Variants in MYOM2 observed in about 807,000 individuals in gnomAD.
The protein encoded by MYOM2 is myomesin 2.
Under a neutral mutation model 187.6 loss-of-function variants are expected in MYOM2, and 254 were observed. The ratio of observed to expected loss-of-function variants is 1.35; its 90% CI spans 1.22 to 1.50. The LOEUF (loss-of-function observed/expected upper bound fraction) is 1.50, where lower values mean the gene tolerates loss of function less well. Ranked by LOEUF, MYOM2 falls within the 40% of genes most tolerant of loss-of-function variation. MYOM2 has a pLI of 0.00. For missense variants in MYOM2, 2,796 were observed against 1,924.0 expected (o/e 1.45, Z -8.48); for synonymous variants, 981 against 753.8 (o/e 1.30, Z -4.94).
rs774795146 is a variant in MYOM2 at position 2,096,409 on chromosome 8, C to T, written c.2288C>T (p.Ser763Leu). ...AAAAACTGGCACGAGGTCAATTCCTCACCCAGCAAACCGACAATCCTAACG... is the reference window on the plus strand; with the variant it reads ...AAAAACTGGCACGAGGTCAATTCCTTACCCAGCAAACCGACAATCCTAACG... The part of the protein sequence containing the change: ...HHKNWHEVNS[S>L]PSKPTILTVD... The change falls in exon 18 of 37, where the codon TCA (serine) becomes TTA (leucine). Residue 763 changes from serine (S) to leucine (L), a missense_variant. Ser to Leu is a moderately radical substitution (Grantham distance 145, BLOSUM62 -2). Coordinates refer to ENST00000262113, the MANE Select transcript of MYOM2 (RefSeq NM_003970.4). 1.9e-6 allele frequency: 3 copies of T among 1,614,118 alleles called. No homozygotes were observed. Among genetic ancestry groups the T allele is most frequent in the Non-Finnish European group, 2.5e-6 (3 of 1,180,054 alleles).
chr8:2,114,342 T>C (rs1223542418), intron 25 of MYOM2, among the ~76,000 whole-genome samples: 2 of 152,190 alleles, frequency 1.3e-5, no homozygotes, highest in Non-Finnish European at 2.9e-5. Flanking sequence ...AGTAGTGTTC[T>C]CAGACCAACC....
rs1381320803 is a variant in MYOM2, at chr8:2,094,009, C to T, written c.2043C>T (p.Ile681=). The T allele has an allele frequency of 4.3e-6, 7 of 1,614,056 alleles. 1 individual carries two copies. In the South Asian group the frequency reaches 5.5e-5, roughly 13 times the overall value. Residue 681 remains isoleucine, a synonymous_variant, in exon 17 of 37, where the codon ATC becomes ATT. Coordinates refer to ENST00000262113, the MANE Select transcript of MYOM2 (RefSeq NM_003970.4). ...VHGLTTGEQY[I]FRVKAVNAVG... is the part of the protein sequence containing the mutation. ...GCTTAACCACGGGAGAGCAGTACAT[C>T]TTCCGAGTCAAGGCGGTCAATGCTG...
rs554546766 is a variant in MYOM2, at chr8:2,066,414, C to T, written c.654-2864C>T. On this transcript the variant is annotated intron_variant, in intron 6 of 36. Coordinates refer to ENST00000262113, the MANE Select transcript of MYOM2 (RefSeq NM_003970.4). Reference sequence around the variant, plus strand: ...CAGCGGTGCCTGTGGGAGGCTGTCGCCCTTGTTTCTCTCATCTGCTGTGTT... The same window carrying T: ...CAGCGGTGCCTGTGGGAGGCTGTCGTCCTTGTTTCTCTCATCTGCTGTGTT... 4.9e-4 allele frequency among the ~76,000 whole-genome samples: 75 copies of T among 152,290 alleles called. 2 individuals carry two copies. The South Asian group carries it at 0.011, about 23-fold the overall frequency.
At chr8:2,065,438 T>C (rs1276774314) in intron 6 of MYOM2, among the ~76,000 whole-genome samples, 2 of 152,004 alleles carry the variant, frequency 1.3e-5, no homozygotes, top group African/African-American at 4.8e-5. Flanking sequence ...GGTGTGGTGG[T>C]GCGCACCTGT....
chr8:2,140,647 G>A, intron 32 of MYOM2, 76 bp from the exon 33 acceptor site: 7 of 1,435,708 alleles, frequency 4.9e-6, no homozygotes, highest in Middle Eastern at 1.9e-4. Flanking sequence ...TCACAGCAAC[G>A]GGACATTGCC....
At chr8:2,120,519 T>C (rs939615611) in intron 28 of MYOM2, among the ~76,000 whole-genome samples, 1 of 149,974 alleles carries the variant, frequency 6.7e-6, no homozygotes, top group African/African-American at 2.5e-5. Context: ...GGATGGGGCA[T>C]GGGGGTTTGG....
chr8:2,051,909 GC>G (rs1388670610), intron 2 of MYOM2, among the ~76,000 whole-genome samples: 1 of 152,236 alleles, frequency 6.6e-6, no homozygotes, highest in Non-Finnish European at 1.5e-5. Flanking sequence ...GCGTGTCCTT[GC>G]ATTTATGCAT....
At chr8:2,049,060 G>C (rs1818399522) in intron 1 of MYOM2, among the ~76,000 whole-genome samples, 1 of 152,236 alleles carries the variant, frequency 6.6e-6, no homozygotes, top group Non-Finnish European at 1.5e-5. Context: ...CAAAGTGCTG[G>C]GTTTACAGGT....
intron 32 of MYOM2, among the ~76,000 whole-genome samples, chr8:2,136,939 G>T (rs1430382405): frequency 6.6e-6 from 1 of 152,094 alleles, no homozygotes; most frequent in Admixed American, 6.5e-5. Flanking sequence ...AATTTCACCT[G>T]TTGGACAAAG....
At chr8:2,045,790 C>G (rs193186779) in intron 1 of MYOM2, among the ~76,000 whole-genome samples, 1 of 152,242 alleles carries the variant, frequency 6.6e-6, no homozygotes, top group South Asian at 2.1e-4. Context: ...CTGATAGAGG[C>G]TGTGCCTTCT....
At chr8:2,086,257 C>CCCACTGTCATGATCTCTGGCACT (rs1796039959) in intron 14 of MYOM2, among the ~76,000 whole-genome samples, 1 of 130,744 alleles carries the variant, frequency 7.6e-6, no homozygotes, top group African/African-American at 2.6e-5. Context: ...TTTGCGTGGC[C>CCCACTGTCATGATCTCTGGCACT]CCACTGTCAT....
chr8:2,128,994 G>C (rs1191963303), intron 31 of MYOM2, 133 bp from the exon 32 acceptor site: 1 of 584,270 alleles, frequency 1.7e-6, no homozygotes, highest in Non-Finnish European at 3.1e-6. Flanking sequence ...TTTGTGGCTG[G>C]CCGACTTTAT....
intron 14 of MYOM2, among the ~76,000 whole-genome samples, chr8:2,088,822 C>A (rs1796186392): frequency 6.6e-6 from 1 of 152,212 alleles, no homozygotes; most frequent in South Asian, 2.1e-4. Context: ...GCTTTAAGTT[C>A]TTTGAGAAGT....
intron 32 of MYOM2, among the ~76,000 whole-genome samples, chr8:2,137,056 GTCTC>G (rs910583877): frequency 1.3e-5 from 2 of 151,658 alleles, no homozygotes; most frequent in African/African-American, 2.4e-5. Context: ...AGAATTTCTA[GTCTC>G]TCTCTCTTTC....
chr8:2,053,572 T>C (rs17064597), intron 3 of MYOM2, among the ~76,000 whole-genome samples: 4,601 of 152,338 alleles, frequency 0.03, 257 homozygotes, highest in African/African-American at 0.11. Context: ...GTGATTCATA[T>C]GGTTTTGGCA....
chr8:2,114,232 C>G (rs1486782718), intron 25 of MYOM2, among the ~76,000 whole-genome samples: 1 of 152,182 alleles, frequency 6.6e-6, no homozygotes, highest in East Asian at 1.9e-4. Flanking sequence ...TGAAATGTAT[C>G]CCTGCATTCA....
intron 32 of MYOM2, among the ~76,000 whole-genome samples, chr8:2,134,429 G>A (rs1233655590): frequency 2.0e-5 from 3 of 152,188 alleles, no homozygotes; most frequent in South Asian, 2.1e-4. Flanking sequence ...TGTCTGCCCC[G>A]TCTCTTCCTG....
At chr8:2,131,962 C>G (rs1398888662) in intron 32 of MYOM2, among the ~76,000 whole-genome samples, 1 of 152,124 alleles carries the variant, frequency 6.6e-6, no homozygotes, top group African/African-American at 2.4e-5. Flanking sequence ...TTCTTTAACA[C>G]CTTTATAACT....
chr8:2,065,669 C>T (rs1423280955), intron 6 of MYOM2, among the ~76,000 whole-genome samples: 1 of 151,948 alleles, frequency 6.6e-6, no homozygotes, highest in Non-Finnish European at 1.5e-5. Context: ...TCTCATTGCC[C>T]AATATTGAAA....
Sources: allele counts gnomAD v4.1 joint callset (sites outside exome capture counted in the v4.1 genomes callset), GRCh38; gene constraint gnomAD v4.1.1; transcripts MANE v1.5; gene names NCBI Gene and HGNC (gene_info 2026-07-23, HGNC 2026-07-21).